ZNF69: variants seen among roughly 807,000 people sequenced by gnomAD.
The protein encoded by ZNF69 is zinc finger protein 69, also known as ZNF3.
In ZNF69, 47 loss-of-function variants were observed where a neutral mutation model predicts 50.9. That is an observed-to-expected ratio of 0.92 (90% confidence interval 0.73 to 1.18). The LOEUF is 1.18. ZNF69 is among the 50% of genes most tolerant of loss of function. The pLI, the probability that ZNF69 is intolerant of heterozygous loss-of-function variation, is 0.00. For missense variants in ZNF69, 717 were observed against 675.1 expected, an observed-to-expected ratio of 1.06 and a Z score of -0.69; for synonymous variants, 216 against 223.1, an observed-to-expected ratio of 0.97 and a Z score of 0.29.
the ZNF69 span, chr19:11,946,950 T>A: frequency 1.2e-6 from 1 of 805,132 alleles, no homozygotes. Flanking sequence ...ATCACGCCAT[T>A]GTACTCCAGC....
At chr19:11,947,443 G>C in the ZNF69 span, 5 of 1,599,306 alleles carry the variant, frequency 3.1e-6, no homozygotes, top group East Asian at 8.9e-5. Flanking sequence ...GTAAATCATG[G>C]GCACAGAATC....
the ZNF69 span, chr19:11,979,495 C>A: frequency 6.2e-7 from 1 of 1,601,694 alleles, no homozygotes; most frequent in African/African-American, 1.3e-5. Flanking sequence ...TTTATTCTCC[C>A]ACGTCATTTC....
intron 1 of ZNF69, among the ~76,000 whole-genome samples, chr19:11,893,201 A>G (rs189618278): frequency 3.2e-3 from 487 of 152,344 alleles, no homozygotes; most frequent in Non-Finnish European, 5.6e-3. Flanking sequence ...CTGATTAAGC[A>G]TAAATTTTGT....
At chr19:11,932,306 T>C in the ZNF69 span, among the ~76,000 whole-genome samples, 8 of 147,522 alleles carry the variant, frequency 5.4e-5, no homozygotes, top group African/African-American at 5.3e-5. Flanking sequence ...ATTGCACCAC[T>C]ACACTCCAGC....
At chr19:11,907,172 C>T (rs1336232956), downstream of ZNF69, among the ~76,000 whole-genome samples, 5 of 152,114 alleles carry the variant, frequency 3.3e-5, no homozygotes, top group Non-Finnish European at 5.9e-5. Context: ...AAATATGGGA[C>T]TATGTGAAAA....
At chr19:11,934,838 G>A in the ZNF69 span, among the ~76,000 whole-genome samples, 1 of 147,230 alleles carries the variant, frequency 6.8e-6, no homozygotes. Context: ...TTTTCATTTC[G>A]CTCTTTAATG....
intron 1 of ZNF69, among the ~76,000 whole-genome samples, chr19:11,896,343 G>A (rs1467581852): frequency 6.6e-6 from 1 of 151,704 alleles, no homozygotes; most frequent in South Asian, 2.1e-4. Context: ...TCAAAGCTGT[G>A]GTGTTTAGTG....
chr19:11,962,655 T>G, the ZNF69 span, among the ~76,000 whole-genome samples: 27 of 152,034 alleles, frequency 1.8e-4, no homozygotes, highest in Admixed American at 1.8e-3. Context: ...GGACCAATAC[T>G]CCCAGCCCTG....
chr19:11,896,062 G>A (rs1977217874), intron 1 of ZNF69, among the ~76,000 whole-genome samples: 1 of 151,542 alleles, frequency 6.6e-6, no homozygotes, highest in Non-Finnish European at 1.5e-5. Context: ...ACTACTAAAA[G>A]TACAAAATTA....
Position 11,903,718 on chromosome 19 carries a change from T to C in ZNF69, c.190+19T>C. ...TCTGTAGGTAAGGATGACATATTCC[T>C]TCCCTCAGTCCATTAGTGAACCAGT... On this transcript the variant is annotated intron_variant, in intron 2 of 3. Coordinates refer to ENST00000429654, the MANE Select transcript of ZNF69 (RefSeq NM_001364730.1). 2 of 1,613,472 alleles carry C rather than the reference T, an allele frequency of 1.2e-6. No homozygotes were observed. The highest frequency in any genetic ancestry group is 1.7e-6 in the Non-Finnish European group (2 of 1,179,690).
chr19:11,974,974 T>C, the ZNF69 span, among the ~76,000 whole-genome samples: 5 of 152,206 alleles, frequency 3.3e-5, no homozygotes, highest in African/African-American at 1.2e-4. Context: ...GAATTTTACA[T>C]GTACAGTTGA....
downstream of ZNF69, among the ~76,000 whole-genome samples, chr19:11,919,227 T>A (rs1475356894): frequency 6.6e-6 from 1 of 152,234 alleles, no homozygotes; most frequent in East Asian, 1.9e-4. Flanking sequence ...CATTTTTTCC[T>A]AGATAATTAC....
Position 11,887,782 on chromosome 19 carries a change from A to T in ZNF69, c.-142A>T. On this transcript the variant is annotated 5_prime_UTR_variant, in exon 1 of 4. Coordinates refer to ENST00000429654, the MANE Select transcript of ZNF69 (RefSeq NM_001364730.1). ...GAGGCATTGTGGCGGGTCCCTGCCC[A>T]CTGTTCCTCCAGACACTGAGGGGGT... is the stretch of plus-strand genomic sequence containing the variant. The T allele has an allele frequency of 3.6e-6, 2 of 563,168 alleles. No individual in the cohort carries two copies. The highest frequency in any genetic ancestry group is 6.0e-6 in the Non-Finnish European group (2 of 330,880). 34.9% of individuals were successfully genotyped at this position (563,168 alleles called of 1,614,324 possible). A position where few individuals can be genotyped will look rare whatever the true frequency, so the allele number is the denominator to read the frequency against.
chr19:11,906,146 A>G lies in ZNF69; in HGVS notation c.*48A>G. ...CACACCTTTGAATGCATGGTAGGAC[A>G]CACAATCAAGAGAAACCATGAATGT... On this transcript the variant is annotated 3_prime_UTR_variant, in exon 4 of 4. Coordinates refer to ENST00000429654, the MANE Select transcript of ZNF69 (RefSeq NM_001364730.1). 6.3e-7 allele frequency: 1 copy of G among 1,586,990 alleles called. No individual in the cohort carries two copies. The highest frequency in any genetic ancestry group is 8.5e-7 in the Non-Finnish European group (1 of 1,171,428).
chr19:11,923,291 A>T, the ZNF69 span, among the ~76,000 whole-genome samples: 5 of 152,118 alleles, frequency 3.3e-5, no homozygotes, highest in East Asian at 9.7e-4. Context: ...CTCATCGATG[A>T]CTTCTTTGTC....
At chr19:11,977,915 T>C in the ZNF69 span, among the ~76,000 whole-genome samples, 1 of 151,446 alleles carries the variant, frequency 6.6e-6, no homozygotes, top group African/African-American at 2.5e-5. Flanking sequence ...GGGAATAGTA[T>C]TAAGCCCCTT....
chr19:11,967,055 G>A, the ZNF69 span, among the ~76,000 whole-genome samples: 1 of 152,150 alleles, frequency 6.6e-6, no homozygotes, highest in African/African-American at 2.4e-5. Context: ...GCTACTCTGG[G>A]CCAGCATGAT....
At chr19:11,920,525 T>C in the ZNF69 span, among the ~76,000 whole-genome samples, 1 of 152,164 alleles carries the variant, frequency 6.6e-6, no homozygotes, top group African/African-American at 2.4e-5. Flanking sequence ...GCTCAAGCAA[T>C]CTACCTGCCT....
chr19:11,900,392 A>G (rs570218765), intron 1 of ZNF69, among the ~76,000 whole-genome samples: 3 of 149,792 alleles, frequency 2.0e-5, no homozygotes, highest in African/African-American at 7.4e-5. Context: ...TGGCTCTGTC[A>G]CCCAGGCTGG....
Sources: allele counts gnomAD v4.1 joint callset (sites outside exome capture counted in the v4.1 genomes callset), GRCh38; gene constraint gnomAD v4.1.1; transcripts MANE v1.5; gene names NCBI Gene and HGNC (gene_info 2026-07-23, HGNC 2026-07-21).